Variants in ECT2L observed in about 807,000 individuals in gnomAD.
ECT2L encodes epithelial cell-transforming sequence 2 oncogene-like.
ECT2L carries 126 observed loss-of-function variants against 122.8 expected under a neutral mutation model. The ratio of observed to expected loss-of-function variants is 1.03; its 90% CI spans 0.89 to 1.19. ECT2L has a LOEUF of 1.19. Ranked by LOEUF, ECT2L falls within the 50% of genes most tolerant of loss-of-function variation. The probability of loss-of-function intolerance (pLI) is 0.00; values close to 1 mark genes in which losing one functional copy is unlikely to be tolerated. For synonymous variants in ECT2L, 385 were observed against 381.8 expected (o/e 1.01, Z -0.10); for missense variants, 1,012 against 1,064.1 (o/e 0.95, Z 0.68).
intron 1 of ECT2L, among the ~76,000 whole-genome samples, chr6:138,801,054 G>A (rs921570847): frequency 6.6e-6 from 1 of 152,120 alleles, no homozygotes; most frequent in East Asian, 1.9e-4. Context: ...ACAAGGGAAG[G>A]AGCCCTCATG....
intron 8 of ECT2L, 84 bp downstream of exon 8, chr6:138,846,761 AAGC>A: frequency 7.6e-7 from 1 of 1,313,792 alleles, no homozygotes; most frequent in South Asian, 2.4e-5. Flanking sequence ...GGTGTGTGAC[AAGC>A]TTTTGGCCAC....
At chr6:138,817,876 C>T (rs1241557190) in intron 4 of ECT2L, among the ~76,000 whole-genome samples, 25 of 152,188 alleles carry the variant, frequency 1.6e-4, no homozygotes, top group Admixed American at 1.6e-3. Flanking sequence ...GTTATGGCCC[C>T]GTGTCGTCCA....
rs192031112 is a variant in ECT2L at position 138,863,773 on chromosome 6, G to A, written c.1291+1054G>A. 6.0e-3 allele frequency among the ~76,000 whole-genome samples: 911 copies of A among 151,394 alleles called. 12 individuals are homozygous for A. Among genetic ancestry groups the A allele is most frequent in the African/African-American group, 0.021 (870 of 41,332 alleles). ...TGGGACTACAGGCATGTGCCACCAC[G>A]CCCGACTAATTTTTGTATTTTTAGT... On this transcript the variant is annotated intron_variant, in intron 11 of 21. Transcript: ENST00000541398.
At chr6:138,846,739 T>A in intron 8 of ECT2L, 62 bp downstream of exon 8, 1 of 1,400,216 alleles carries the variant, frequency 7.1e-7, no homozygotes, top group Non-Finnish European at 9.4e-7. Flanking sequence ...TTTTTTTTCA[T>A]CTAGACTAGA....
At position 138,844,432 on chromosome 6, in the gene ECT2L, C is replaced by T. The variant is rs1305610151; in HGVS notation, c.616C>T (p.Pro206Ser). ...TTCAGAGGAGTTATTCAAAGTTCGA[C>T]CCCCTTGGGTGAGTGGAACTTGCTG... ...LRKKELFKVR[P>S]PWVSGTCCSS... The change falls in exon 7 of 22, where the codon CCC becomes TCC. Residue 206 changes from proline (P) to serine (S), a missense_variant. By Grantham distance (74) the Pro-to-Ser change is moderately conservative (BLOSUM62 -1). Transcript: ENST00000541398. 3 of 1,613,886 alleles carry T rather than the reference C, an allele frequency of 1.9e-6. No individual in the cohort carries two copies. Among genetic ancestry groups the T allele is most frequent in the Admixed American group, 3.3e-5 (2 of 59,988 alleles).
intron 13 of ECT2L, among the ~76,000 whole-genome samples, chr6:138,873,167 A>G (rs1778313784): frequency 6.6e-6 from 1 of 152,224 alleles, no homozygotes; most frequent in South Asian, 2.1e-4. Context: ...CTCTATTGCT[A>G]CATTGTCTGC....
intron 14 of ECT2L, among the ~76,000 whole-genome samples, chr6:138,877,996 T>G (rs992528927): frequency 3.3e-5 from 5 of 152,200 alleles, no homozygotes; most frequent in African/African-American, 1.2e-4. Flanking sequence ...CTCTTAAGTT[T>G]TTTTACATTA....
chr6:138,829,925 T>G, intron 4 of ECT2L, among the ~76,000 whole-genome samples: 1 of 152,246 alleles, frequency 6.6e-6, no homozygotes, highest in East Asian at 1.9e-4. Context: ...GGTTTCACCA[T>G]GTTAGCCAGG....
chr6:138,842,029 A>C (rs1777056328), intron 5 of ECT2L, among the ~76,000 whole-genome samples: 1 of 152,208 alleles, frequency 6.6e-6, no homozygotes, highest in African/African-American at 2.4e-5. Flanking sequence ...AACATTGGAT[A>C]AGTGTCACAA....
chr6:138,901,041 G>A lies in ECT2L; in HGVS notation c.2508G>A (p.Arg836=). ...GCACATCTCACACTCCATTTGAGAGGACTTCAAAAACAACCTACCAGTTCA... is the reference window on the plus strand; with the variant it reads ...GCACATCTCACACTCCATTTGAGAGAACTTCAAAAACAACCTACCAGTTCA... ...SRGTSHTPFE[R]TSKTTYQFIA... Residue 836 remains arginine, a synonymous_variant, in exon 21 of 22, where the codon AGG becomes AGA. Coordinates refer to ENST00000541398, the MANE Select transcript of ECT2L (RefSeq NM_001077706.3). The A allele has an allele frequency of 6.2e-7, 1 of 1,614,132 alleles. No homozygotes were observed. Among genetic ancestry groups the A allele is most frequent in the Non-Finnish European group, 8.5e-7 (1 of 1,180,030 alleles).
intron 4 of ECT2L, among the ~76,000 whole-genome samples, chr6:138,837,179 C>T (rs1003183062): frequency 2.0e-5 from 3 of 152,118 alleles, no homozygotes. Flanking sequence ...TTAGTGATAT[C>T]TCCAATTTCT....
chr6:138,845,911 C>G (rs73557264), intron 7 of ECT2L, among the ~76,000 whole-genome samples: 3 of 151,922 alleles, frequency 2.0e-5, no homozygotes, highest in Admixed American at 6.5e-5. Context: ...TCTTTCCCCC[C>G]ACCCAAAAAA....
At chr6:138,883,231 T>C (rs756959962) in intron 16 of ECT2L, among the ~76,000 whole-genome samples, 33 of 152,234 alleles carry the variant, frequency 2.2e-4, no homozygotes, top group Non-Finnish European at 2.6e-4. Context: ...ATGTAGAAAA[T>C]AAATTAATCA....
rs542069170 is a variant in ECT2L, at chr6:138,865,668, C to T, written c.1474+490C>T. On this transcript the variant is annotated intron_variant, in intron 12 of 21. Transcript: ENST00000541398. Reference sequence around the variant, plus strand: ...ATGAATGTTTCCATTCACACCCCAGCCCCATGACGGAATGAATGATCACAG... The same window carrying T: ...ATGAATGTTTCCATTCACACCCCAGTCCCATGACGGAATGAATGATCACAG... Among the ~76,000 whole-genome samples, 3 of 152,316 alleles carry T rather than the reference C, an allele frequency of 2.0e-5. No individual in the cohort carries two copies. In the East Asian group the frequency reaches 5.8e-4, roughly 29 times the overall value.
rs754506190 is a variant in ECT2L at position 138,846,542 on chromosome 6, C to A, written c.768C>A (p.Ser256Arg). The A allele has an allele frequency of 6.3e-6, 10 of 1,579,794 alleles. No homozygotes were observed. The Admixed American group carries it at 1.8e-4, about 28-fold the overall frequency. Residue 256 changes from serine to arginine, a missense_variant, in exon 8 of 22, where the codon AGC (serine) becomes AGA (arginine). By Grantham distance (110) the Ser-to-Arg change is moderately radical. Coordinates refer to ENST00000541398, the MANE Select transcript of ECT2L (RefSeq NM_001077706.3). ...CATATTTCCTTTTACTCCATAGAAG[C>A]AATATTTCTGGAAGCCATTCCTACC... ...LTSLETLPKR[S>R]NISGSHSYPL...
At chr6:138,815,180 G>A (rs1369877744) in intron 4 of ECT2L, among the ~76,000 whole-genome samples, 2 of 152,160 alleles carry the variant, frequency 1.3e-5, no homozygotes, top group African/African-American at 4.8e-5. Flanking sequence ...GTCAGCTCCT[G>A]TTCTGGTCAG....
At chr6:138,799,415 G>A (rs1162963188) in intron 1 of ECT2L, among the ~76,000 whole-genome samples, 5 of 151,936 alleles carry the variant, frequency 3.3e-5, no homozygotes, top group African/African-American at 4.8e-5. Context: ...CACCACGCCC[G>A]GCTTATTTTT....
Position 138,844,465 on chromosome 6 carries a change from G to T in ECT2L, c.649G>T (p.Val217Leu). 1 of 1,614,106 alleles carries T rather than the reference G, an allele frequency of 6.2e-7. No individual in the cohort carries two copies. Among genetic ancestry groups the T allele is most frequent in the Non-Finnish European group, 8.5e-7 (1 of 1,180,014 alleles). The part of the protein sequence containing the change: ...PWVSGTCCSS[V>L]LKPRCQPRLS... ...GGTGAGTGGAACTTGCTGCTCTAGC[G>T]TGCTAAAGCCCAGATGCCAACCACG... Residue 217 changes from valine (V) to leucine (L), a missense_variant, in exon 7 of 22, where the codon GTG (valine) becomes TTG (leucine). Physicochemically the swap from Val to Leu is conservative, Grantham distance 32. Coordinates refer to ENST00000541398, the MANE Select transcript of ECT2L (RefSeq NM_001077706.3).
At chr6:138,834,862 G>A (rs1046006727) in intron 4 of ECT2L, among the ~76,000 whole-genome samples, 5 of 150,164 alleles carry the variant, frequency 3.3e-5, no homozygotes, top group African/African-American at 9.8e-5. Context: ...CATGCTACCA[G>A]TACAGGCCCG....
Sources: allele counts gnomAD v4.1 joint callset (sites outside exome capture counted in the v4.1 genomes callset), GRCh38; gene constraint gnomAD v4.1.1; transcripts MANE v1.5; gene names NCBI Gene and HGNC (gene_info 2026-07-23, HGNC 2026-07-21).